PAPPA: variants seen among roughly 807,000 people sequenced by gnomAD.
PAPPA encodes the protein pappalysin-1.
PAPPA carries 60 observed loss-of-function variants against 164.0 expected under a neutral mutation model. The observed-to-expected ratio is 0.37, with a 90% CI of 0.30 to 0.45. PAPPA has a LOEUF of 0.45. Ranked by LOEUF, PAPPA falls within the 20% of genes least tolerant of loss-of-function variation. PAPPA has a pLI of 1.00. For missense variants in PAPPA, 1,782 were observed against 2,087.3 expected (o/e 0.85, Z 2.85); for synonymous variants, 875 against 814.1 (o/e 1.07, Z -1.27).
At chr9:116,307,356 T>G (rs1338229149) in intron 10 of PAPPA, among the ~76,000 whole-genome samples, 2 of 152,030 alleles carry the variant, frequency 1.3e-5, no homozygotes, top group Non-Finnish European at 2.9e-5. Context: ...TTCCAGCGCT[T>G]TGGGAGGCTG....
At chr9:116,258,616 A>G (rs946265953) in intron 7 of PAPPA, among the ~76,000 whole-genome samples, 3 of 152,048 alleles carry the variant, frequency 2.0e-5, no homozygotes, top group African/African-American at 4.8e-5. Context: ...AGATCGCACC[A>G]TTGCACTCCA....
intron 21 of PAPPA, among the ~76,000 whole-genome samples, chr9:116,385,830 G>A (rs971974013): frequency 9.2e-5 from 14 of 152,226 alleles, no homozygotes; most frequent in African/African-American, 3.1e-4. Flanking sequence ...ACCAGGCTGT[G>A]GACAGTATTT....
intron 9 of PAPPA, among the ~76,000 whole-genome samples, chr9:116,276,584 T>G (rs1845201187): frequency 6.6e-6 from 1 of 152,200 alleles, no homozygotes; most frequent in African/African-American, 2.4e-5. Flanking sequence ...GTCAAACAGC[T>G]ATTTAAAGGC....
intron 10 of PAPPA, among the ~76,000 whole-genome samples, chr9:116,328,636 ACT>A (rs1845950255): frequency 6.6e-6 from 1 of 152,038 alleles, no homozygotes; most frequent in Non-Finnish European, 1.5e-5. Context: ...AAGCAATGAA[ACT>A]CTTTTCTTAA....
intron 6 of PAPPA, among the ~76,000 whole-genome samples, chr9:116,233,579 C>T (rs1374216921): frequency 6.6e-6 from 1 of 152,128 alleles, no homozygotes; most frequent in Non-Finnish European, 1.5e-5. Context: ...TGCTGTGATG[C>T]ATTATATCTA....
At chr9:116,323,509 C>A (rs1163102806) in intron 10 of PAPPA, among the ~76,000 whole-genome samples, 1 of 152,062 alleles carries the variant, frequency 6.6e-6, no homozygotes, top group Non-Finnish European at 1.5e-5. Flanking sequence ...AAAGGATTTC[C>A]CCAGCTATTT....
chr9:116,362,808 G>C, intron 18 of PAPPA, 69 bp downstream of exon 18: 6 of 1,507,692 alleles, frequency 4.0e-6, no homozygotes, highest in Non-Finnish European at 5.4e-6. Flanking sequence ...CTAATGCCTG[G>C]GTGGGTCATT....
At chr9:116,338,149 T>C (rs952974277) in intron 13 of PAPPA, among the ~76,000 whole-genome samples, 1 of 152,152 alleles carries the variant, frequency 6.6e-6, no homozygotes, top group African/African-American at 2.4e-5. Context: ...CAGTTTATTA[T>C]AAAATTGAAT....
At chr9:116,171,804 C>G (rs1439322983) in intron 1 of PAPPA, among the ~76,000 whole-genome samples, 1 of 152,156 alleles carries the variant, frequency 6.6e-6, no homozygotes, top group Non-Finnish European at 1.5e-5. Context: ...TTATGGATAT[C>G]TAGGAGACAA....
intron 2 of PAPPA, among the ~76,000 whole-genome samples, chr9:116,188,671 G>A (rs1844007738): frequency 6.6e-6 from 1 of 152,168 alleles, no homozygotes; most frequent in Non-Finnish European, 1.5e-5. Context: ...CTAGCCACAT[G>A]GGACTAGTAG....
intron 9 of PAPPA, among the ~76,000 whole-genome samples, chr9:116,275,439 G>T (rs928570203): frequency 6.6e-6 from 1 of 152,092 alleles, no homozygotes. Context: ...TCTTGTTTCC[G>T]TATGTGAGAT....
chr9:116,362,856 C>T (rs1846447764), intron 18 of PAPPA, 117 bp downstream of exon 18: 2 of 943,324 alleles, frequency 2.1e-6, no homozygotes, highest in Non-Finnish European at 3.1e-6. Flanking sequence ...GTAGGCACTA[C>T]AGAAAGAGAG....
chr9:116,211,520 G>A, intron 3 of PAPPA, 119 bp from the exon 4 acceptor site: 1 of 791,216 alleles, frequency 1.3e-6, no homozygotes, highest in Non-Finnish European at 2.1e-6. Flanking sequence ...TGGAGTCCTA[G>A]GGTGGAGAAG....
At chr9:116,284,506 T>G (rs1444845446) in intron 9 of PAPPA, among the ~76,000 whole-genome samples, 1 of 148,578 alleles carries the variant, frequency 6.7e-6, no homozygotes, top group Non-Finnish European at 1.5e-5. Flanking sequence ...CTCCATTCTC[T>G]CCTTGTATGA....
Position 116,235,695 on chromosome 9 carries a change from A to T in PAPPA, c.2732+58A>T, listed in dbSNP as rs569807832. The T allele has an allele frequency of 1.3e-5, 21 of 1,569,888 alleles. No individual in the cohort carries two copies. The Admixed American group carries it at 3.5e-4, about 26-fold the overall frequency. ...AGTGGGTGGGTTGTGGAGGAACGTG[A>T]GGTGGGTCAGAGAGGCCTGGACAGG... On this transcript the variant is annotated intron_variant, in intron 7 of 21. Coordinates refer to ENST00000328252, the MANE Select transcript of PAPPA (RefSeq NM_002581.5).
At chr9:116,205,999 G>A (rs765918093) in intron 2 of PAPPA, among the ~76,000 whole-genome samples, 3 of 152,120 alleles carry the variant, frequency 2.0e-5, no homozygotes, top group Non-Finnish European at 4.4e-5. Flanking sequence ...CACAGGGTCT[G>A]GCATACAGCA....
Position 116,352,740 on chromosome 9 carries a change from G to A in PAPPA, c.3999G>A (p.Gly1333=). 1 of 1,613,274 alleles carries A rather than the reference G, an allele frequency of 6.2e-7. No individual in the cohort carries two copies. The highest frequency in any genetic ancestry group is 1.1e-5 in the South Asian group (1 of 91,026). ...NNSLLTCMED[G]LWSFPEALCE... ...GCCTCCTGACCTGCATGGAGGATGG[G>A]CTGTGGTCCTTCCCAGAGGCCCTGT... is the stretch of plus-strand genomic sequence containing the variant. Residue 1333 remains glycine, a synonymous_variant, in exon 16 of 22, where the codon GGG becomes GGA. Transcript: ENST00000328252.
chr9:116,305,134 G>GACACACAC (rs57723920), intron 10 of PAPPA, among the ~76,000 whole-genome samples: 3,227 of 129,892 alleles, frequency 0.025, 136 homozygotes, highest in African/African-American at 0.068. Context: ...TGGGCACACA[G>GACACACAC]ACACACACAC....
chr9:116,343,087 G>T (rs1217549231), intron 13 of PAPPA, among the ~76,000 whole-genome samples: 1 of 152,154 alleles, frequency 6.6e-6, no homozygotes, highest in African/African-American at 2.4e-5. Context: ...CTCTGGATGG[G>T]CACTTAAACA....
Sources: gnomAD v4.1 joint callset for allele counts (sites outside exome capture counted in the v4.1 genomes callset) on GRCh38, gnomAD v4.1.1 for gene constraint, MANE v1.5 for transcripts, NCBI Gene and HGNC (gene_info 2026-07-23, HGNC 2026-07-21) for gene names.